The following TAPT1 variants were observed in gnomAD, a reference collection of about 807,000 sequenced individuals.
The protein encoded by TAPT1 is transmembrane anterior posterior transformation protein 1 homolog.
TAPT1 carries 28 observed loss-of-function variants against 65.6 expected under a neutral mutation model. The ratio of observed to expected loss-of-function variants is 0.43; its 90% confidence interval spans 0.32 to 0.59. The LOEUF (loss-of-function observed/expected upper bound fraction) is 0.59, where lower values mean the gene tolerates loss of function less well. Among genes scored for constraint, TAPT1 ranks in the 20% least tolerant of loss-of-function variants. The probability of loss-of-function intolerance (pLI) is 0.09; values close to 1 mark genes in which losing one functional copy is unlikely to be tolerated. For synonymous variants in TAPT1, 278 were observed against 245.2 expected (o/e 1.13, Z -1.25); for missense variants, 563 against 679.9 (o/e 0.83, Z 1.91).
chr4:16,170,523 A>C, intron 12 of TAPT1, 130 bp downstream of exon 12: 2 of 564,968 alleles, frequency 3.5e-6, no homozygotes, highest in East Asian at 2.8e-5. Context: ...ATACACTTGG[A>C]GGTATAGCTG....
chr4:16,171,998 G>A (rs754681709), intron 11 of TAPT1, among the ~76,000 whole-genome samples: 4 of 151,896 alleles, frequency 2.6e-5, no homozygotes, highest in Admixed American at 1.3e-4. Context: ...CAGAGGCCTC[G>A]ATGTATTTCT....
At chr4:16,188,555 T>C (rs1421585444) in intron 4 of TAPT1, among the ~76,000 whole-genome samples, 200 bp from the exon 5 acceptor site, 1 of 152,174 alleles carries the variant, frequency 6.6e-6, no homozygotes, top group East Asian at 1.9e-4. Context: ...AAAATATGTA[T>C]AGAATTTCAG....
At position 16,179,664 on chromosome 4, in the gene TAPT1, GA is replaced by G. The variant is rs753423471; in HGVS notation, c.917-8del. 102 of 1,468,368 alleles carry G rather than the reference GA, an allele frequency of 6.9e-5. No individual in the cohort carries two copies. Among genetic ancestry groups the G allele is most frequent in the Middle Eastern group, 1.9e-4 (1 of 5,324 alleles). The allele number at this position is 1,468,368 out of a possible 1,614,324, so 91.0% of individuals were successfully genotyped here. A position where few individuals can be genotyped will look rare whatever the true frequency, so the allele number is the denominator to read the frequency against. On this transcript the variant is annotated splice_region_variant and splice_polypyrimidine_tract_variant and intron_variant, in intron 7 of 13. Coordinates refer to ENST00000405303, the MANE Select transcript of TAPT1 (RefSeq NM_153365.3). Reference sequence around the variant, plus strand: ...GTGAATCGTTCCTTAATATCTAAAAGAAAAAAAATCAACATAAGTACTGTAG... The same window carrying G: ...GTGAATCGTTCCTTAATATCTAAAAGAAAAAAATCAACATAAGTACTGTAG...
chr4:16,226,252 G>T lies in TAPT1; in HGVS notation c.199+7C>A. 8.9e-7 allele frequency: 1 copy of T among 1,118,304 alleles called. No individual in the cohort carries two copies. The highest frequency in any genetic ancestry group is 1.1e-6 in the Non-Finnish European group (1 of 916,094). 69.3% of individuals were successfully genotyped at this position (1,118,304 alleles called of 1,614,324 possible). On this transcript the variant is annotated splice_region_variant and intron_variant, in intron 1 of 13. Coordinates refer to ENST00000405303, the MANE Select transcript of TAPT1 (RefSeq NM_153365.3). ...AGCCCGCCACGGCCTAGCGCCGCCC[G>T]CCTCACCTGTGCGGCCCCGGCGCCT...
rs745742914 is a variant in TAPT1 at position 16,163,464 on chromosome 4, T to C, written c.1548A>G (p.Pro516=). The change falls in exon 14 of 14, where the codon CCA becomes CCG. Residue 516 remains proline, a synonymous_variant. Transcript: ENST00000405303. ...QPIHQKENII[P]LLVTSNSDQF... ...GATCAGAATTGCTTGTCACAAGTAA[T>C]GGTATGATATTTTCCTTTTGATGAA... The C allele has an allele frequency of 5.6e-6, 9 of 1,614,006 alleles. No homozygotes were observed. The highest frequency in any genetic ancestry group is 5.9e-6 in the Non-Finnish European group (7 of 1,179,886).
chr4:16,226,296 C>G lies in TAPT1; in HGVS notation c.162G>C (p.Glu54Asp). The G allele has an allele frequency of 1.2e-5, 13 of 1,130,408 alleles. No homozygotes were observed. In the South Asian group the frequency reaches 5.5e-4, roughly 48 times the overall value. The allele number at this position is 1,130,408 out of a possible 1,614,324, so 70.0% of individuals were successfully genotyped here. ...PQLTETLGFY[E>D]SDRRRERRRG... ...GGCGCCTCTCCCGCCGCCGGTCGCT[C>G]TCGTAGAAGCCCAGCGTCTCTGTGA... The change falls in exon 1 of 14, where the codon GAG becomes GAC. Residue 54 changes from glutamate to aspartate, a missense_variant. By Grantham distance (45) the Glu-to-Asp change is conservative. Coordinates refer to ENST00000405303, the MANE Select transcript of TAPT1 (RefSeq NM_153365.3).
intron 2 of TAPT1, among the ~76,000 whole-genome samples, chr4:16,204,572 A>G (rs1193077260): frequency 6.6e-6 from 1 of 152,280 alleles, no homozygotes; most frequent in African/African-American, 2.4e-5. Context: ...AAGGACAGAA[A>G]TGTTCACCAG....
At chr4:16,185,250 T>C (rs1358931616) in intron 7 of TAPT1, among the ~76,000 whole-genome samples, 1 of 152,134 alleles carries the variant, frequency 6.6e-6, no homozygotes, top group Non-Finnish European at 1.5e-5. Flanking sequence ...TCTTTTTTAT[T>C]GAAATGTTAT....
intron 7 of TAPT1, among the ~76,000 whole-genome samples, chr4:16,179,944 A>G (rs1748613887): frequency 6.6e-6 from 1 of 152,182 alleles, no homozygotes; most frequent in African/African-American, 2.4e-5. Context: ...CAAACTGCTC[A>G]GATGAGGTCA....
chr4:16,219,725 C>G (rs577338498), intron 1 of TAPT1, among the ~76,000 whole-genome samples: 3 of 152,264 alleles, frequency 2.0e-5, no homozygotes, highest in African/African-American at 7.2e-5. Context: ...ACAATTCTTG[C>G]AACAATCATG....
chr4:16,163,644 C>T (rs1747395783), intron 13 of TAPT1, 107 bp from the exon 14 acceptor site: 1 of 816,650 alleles, frequency 1.2e-6, no homozygotes, highest in South Asian at 1.8e-5. Flanking sequence ...ATTATCCATG[C>T]TTTCCGATAA....
intron 12 of TAPT1, among the ~76,000 whole-genome samples, chr4:16,168,601 G>T (rs541567252): frequency 1.8e-4 from 28 of 152,348 alleles, no homozygotes; most frequent in Admixed American, 7.2e-4. Flanking sequence ...CACCAGAGAG[G>T]CCTGCCCTGG....
At position 16,186,890 on chromosome 4, in the gene TAPT1, T is replaced by A; in HGVS notation, c.749-12A>T. The A allele has an allele frequency of 6.4e-7, 1 of 1,561,566 alleles. No individual in the cohort carries two copies. The highest frequency in any genetic ancestry group is 1.4e-5 in the African/African-American group (1 of 73,238). On this transcript the variant is annotated splice_polypyrimidine_tract_variant and intron_variant, in intron 5 of 13. Coordinates refer to ENST00000405303, the MANE Select transcript of TAPT1 (RefSeq NM_153365.3). The stretch of plus-strand genomic sequence containing the variant: ...AATTGCATGCAAAACTAATAGAAGG[T>A]CAAGGAAAAAACTTAAATTTGCTTT...
intron 1 of TAPT1, among the ~76,000 whole-genome samples, chr4:16,215,132 C>T (rs781019088): frequency 6.6e-6 from 1 of 150,900 alleles, no homozygotes; most frequent in Non-Finnish European, 1.5e-5. Context: ...ACTAAAAGTA[C>T]AAAAAAAAAT....
At chr4:16,169,500 C>CA (rs546825053) in intron 12 of TAPT1, among the ~76,000 whole-genome samples, 65 of 152,198 alleles carry the variant, frequency 4.3e-4, no homozygotes, top group Non-Finnish European at 6.2e-4. Context: ...TTTTTAATGT[C>CA]AAAAAATGAA....
chr4:16,191,061 A>G (rs1749344776), intron 4 of TAPT1: 1 of 260,232 alleles, frequency 3.8e-6, no homozygotes, highest in Non-Finnish European at 7.4e-6. Context: ...CTGGGCAGCA[A>G]GAATCTTCCC....
chr4:16,193,899 T>C (rs973933346), intron 3 of TAPT1, among the ~76,000 whole-genome samples: 1 of 152,240 alleles, frequency 6.6e-6, no homozygotes, highest in African/African-American at 2.4e-5. Flanking sequence ...TATTAATTTG[T>C]GTTAATTATG....
upstream of TAPT1, chr4:16,227,377 T>G (rs1319613822): frequency 2.2e-6 from 1 of 448,108 alleles, no homozygotes; most frequent in Middle Eastern, 3.3e-4. Flanking sequence ...ACGAGCGTGG[T>G]GTCGAGACCA....
At chr4:16,189,550 C>G (rs1181564812) in intron 4 of TAPT1, among the ~76,000 whole-genome samples, 2 of 152,306 alleles carry the variant, frequency 1.3e-5, no homozygotes, top group South Asian at 4.1e-4. Flanking sequence ...CATAATCTCC[C>G]TAGTATCTCC....
Sources: gnomAD v4.1 joint callset for allele counts (sites outside exome capture counted in the v4.1 genomes callset) on GRCh38, gnomAD v4.1.1 for gene constraint, MANE v1.5 for transcripts, NCBI Gene and HGNC (gene_info 2026-07-23, HGNC 2026-07-21) for gene names.